The following CHST6 variants were observed in gnomAD, a reference collection of about 807,000 sequenced individuals.
CHST6 encodes the protein carbohydrate sulfotransferase 6, also known as N-acetylglucosamine 6-O-sulfotransferase 5.
For missense variants in CHST6, 698 were observed against 586.2 expected (o/e 1.19, Z -1.97); for synonymous variants, 309 against 276.4 (o/e 1.12, Z -1.17).
intron 1 of CHST6, among the ~76,000 whole-genome samples, chr16:75,492,848 C>G (rs1567416956): frequency 6.6e-6 from 1 of 152,002 alleles, no homozygotes; most frequent in Non-Finnish European, 1.5e-5. Flanking sequence ...GACTCCATCT[C>G]AAACAAAAAC....
Position 75,477,678 on chromosome 16 carries a change from G to A in CHST6, c.*963C>T, listed in dbSNP as rs1486288227. The A allele has an allele frequency of 6.6e-6, 1 of 152,542 alleles. No homozygotes were observed. The highest frequency in any genetic ancestry group is 1.5e-5 in the Non-Finnish European group (1 of 68,318). 9.4% of individuals were successfully genotyped at this position (152,542 alleles called of 1,614,324 possible). On this transcript the variant is annotated 3_prime_UTR_variant, in exon 3 of 3. Coordinates refer to ENST00000332272, the MANE Select transcript of CHST6 (RefSeq NM_021615.5). ...TTTACTAAGCCCCTTTGCCCCCAGA[G>A]CTAGGAGGTGTGGCTCACAGGCAGG...
intron 1 of CHST6, among the ~76,000 whole-genome samples, chr16:75,486,620 T>A (rs1054803787): frequency 6.6e-6 from 1 of 152,158 alleles, no homozygotes; most frequent in African/African-American, 2.4e-5. Flanking sequence ...ACTGCCTAGG[T>A]TTAAAATCAA....
chr16:75,489,413 A>G (rs192978819), intron 1 of CHST6, among the ~76,000 whole-genome samples: 32 of 151,542 alleles, frequency 2.1e-4, no homozygotes, highest in East Asian at 5.8e-4. Flanking sequence ...AAAAAAAAAA[A>G]AAAAAAGAAA....
In CHST6 at chr16:75,486,848, GT is replaced by G. The variant is rs144057836; in HGVS notation, c.-91-4958del. 4.6e-3 allele frequency among the ~76,000 whole-genome samples: 705 copies of G among 152,266 alleles called. 2 individuals are homozygous for G. Among genetic ancestry groups the G allele is most frequent in the African/African-American group, 0.015 (633 of 41,546 alleles). The stretch of plus-strand genomic sequence containing the variant: ...CCCTTGGTGGGGTGAGGTGGGAAGG[GT>G]GCAGGGGCAGAGCTTCTGGGGGCTG... On this transcript the variant is annotated intron_variant, in intron 1 of 2. Coordinates refer to ENST00000332272, the MANE Select transcript of CHST6 (RefSeq NM_021615.5).
chr16:75,487,554 A>G (rs942658727), intron 1 of CHST6, among the ~76,000 whole-genome samples: 2 of 151,974 alleles, frequency 1.3e-5, no homozygotes, highest in Non-Finnish European at 2.9e-5. Context: ...TAATCATAGC[A>G]CTTGGGAGGC....
intron 1 of CHST6, among the ~76,000 whole-genome samples, chr16:75,486,202 C>T (rs1412222526): frequency 1.3e-5 from 2 of 152,224 alleles, no homozygotes; most frequent in Non-Finnish European, 2.9e-5. Context: ...CCCACTCTGC[C>T]CTGCATTGTA....
rs1396354319 is a variant in CHST6 at position 75,472,057 on chromosome 16, T to G, written c.*6584A>C. ...ACTACTAAAGTACTGGAAGCAAGCG[T>G]GAAGACCATTTTTATCACTGTAGCA... On this transcript the variant is annotated 3_prime_UTR_variant, in exon 3 of 3. Coordinates refer to ENST00000332272, the MANE Select transcript of CHST6 (RefSeq NM_021615.5). 5 of 152,186 alleles carry G rather than the reference T, an allele frequency of 3.3e-5. No individual in the cohort carries two copies. The highest frequency in any genetic ancestry group is 7.3e-5 in the Non-Finnish European group (5 of 68,038). 9.4% of individuals were successfully genotyped at this position (152,186 alleles called of 1,614,324 possible). A position where few individuals can be genotyped will look rare whatever the true frequency, so the allele number is the denominator to read the frequency against.
rs369592422 is a variant in CHST6 at position 75,478,733 on chromosome 16, C to T, written c.1096G>A (p.Glu366Lys). The T allele has an allele frequency of 3.7e-5, 59 of 1,613,422 alleles. 1 individual carries two copies. Among genetic ancestry groups the T allele is most frequent in the Non-Finnish European group, 4.8e-5 (57 of 1,180,024 alleles). The change falls in exon 3 of 3, where the codon GAG becomes AAG. Residue 366 changes from glutamate (E) to lysine (K), a missense_variant. Transcript: ENST00000332272. The part of the protein sequence containing the change: ...LGYRPVYSED[E>K]QRNLALDLVL... Reference sequence around the variant, plus strand: ...AGATCAAGGGCGAGGTTGCGCTGCTCGTCCTCAGAGTACACAGGCCGGTAG... The same window carrying T: ...AGATCAAGGGCGAGGTTGCGCTGCTTGTCCTCAGAGTACACAGGCCGGTAG...
chr16:75,484,361 A>G (rs1210748009), intron 1 of CHST6, among the ~76,000 whole-genome samples: 1 of 152,064 alleles, frequency 6.6e-6, no homozygotes, highest in Non-Finnish European at 1.5e-5. Flanking sequence ...TAAATAAACA[A>G]ACAAACATAC....
intron 1 of CHST6, among the ~76,000 whole-genome samples, chr16:75,485,357 T>C (rs1489856050): frequency 6.6e-6 from 1 of 152,210 alleles, no homozygotes; most frequent in Non-Finnish European, 1.5e-5. Context: ...TCCTAGCACT[T>C]TGGGAGGCCA....
chr16:75,486,857 C>T (rs2080203491), intron 1 of CHST6, among the ~76,000 whole-genome samples: 1 of 152,118 alleles, frequency 6.6e-6, no homozygotes, highest in Non-Finnish European at 1.5e-5. Context: ...GGTGCAGGGG[C>T]AGAGCTTCTG....
In CHST6 at chr16:75,478,696, C is replaced by T. The variant is rs943066737; in HGVS notation, c.1133G>A (p.Arg378Gln). The T allele has an allele frequency of 6.2e-7, 1 of 1,613,712 alleles. No individual in the cohort carries two copies. Among genetic ancestry groups the T allele is most frequent in the Non-Finnish European group, 8.5e-7 (1 of 1,180,028 alleles). The change falls in exon 3 of 3, where the codon CGA becomes CAA. Residue 378 changes from arginine to glutamine, a missense_variant. By Grantham distance (43) the Arg-to-Gln change is conservative. Transcript: ENST00000332272. ...RNLALDLVLP[R>Q]GLNGFTWASS... is the part of the protein sequence containing the mutation. ...TGCCCAAGTGAAGCCGTTCAGGCCT[C>T]GTGGCAGCACCAGATCAAGGGCGAG...
At position 75,476,830 on chromosome 16, in the gene CHST6, C is replaced by G. The variant is rs577093724; in HGVS notation, c.*1811G>C. 4.0e-5 allele frequency: 6 copies of G among 151,630 alleles called. No individual in the cohort carries two copies. The highest frequency in any genetic ancestry group is 1.5e-4 in the African/African-American group (6 of 41,234). 9.4% of individuals were successfully genotyped at this position (151,630 alleles called of 1,614,324 possible). A position where few individuals can be genotyped will look rare whatever the true frequency, so the allele number is the denominator to read the frequency against. ...CGTGATCTTGGCTCACTGCAACCTC[C>G]GCCTCCTGGGTTCAAGCGATTCTCC... On this transcript the variant is annotated 3_prime_UTR_variant, in exon 3 of 3. Transcript: ENST00000332272.
intron 1 of CHST6, among the ~76,000 whole-genome samples, chr16:75,489,805 A>C (rs1191133124): frequency 1.3e-5 from 2 of 152,100 alleles, no homozygotes; most frequent in African/African-American, 2.4e-5. Context: ...AGAATAAATA[A>C]ATTTAAGAAT....
Position 75,479,126 on chromosome 16 carries a change from C to A in CHST6, c.703G>T (p.Ala235Ser). 6.2e-7 allele frequency: 1 copy of A among 1,605,886 alleles called. No individual in the cohort carries two copies. Among genetic ancestry groups the A allele is most frequent in the Non-Finnish European group, 8.5e-7 (1 of 1,178,738 alleles). Residue 235 changes from alanine (A) to serine (S), a missense_variant, in exon 3 of 3, where the codon GCC (alanine) becomes TCC (serine). Coordinates refer to ENST00000332272, the MANE Select transcript of CHST6 (RefSeq NM_021615.5). ...VLGTNGTWVE[A>S]DPGLRVVREV... is the part of the protein sequence containing the mutation. The stretch of plus-strand genomic sequence containing the variant: ...CGCACCACGCGCAGGCCGGGGTCGG[C>A]CTCCACCCACGTGCCGTTGGTGCCC...
At chr16:75,489,426 A>G (rs1010049362) in intron 1 of CHST6, among the ~76,000 whole-genome samples, 1 of 151,738 alleles carries the variant, frequency 6.6e-6, no homozygotes, top group Non-Finnish European at 1.5e-5. Context: ...AAAAGAAAAA[A>G]GAAAAGGGAC....
intron 1 of CHST6, among the ~76,000 whole-genome samples, chr16:75,486,097 C>A (rs1227368152): frequency 6.6e-6 from 1 of 152,216 alleles, no homozygotes; most frequent in Non-Finnish European, 1.5e-5. Flanking sequence ...TCTCCCAACT[C>A]CCTCACCCAT....
Position 75,479,183 on chromosome 16 carries a change from T to G in CHST6, c.646A>C (p.Lys216Gln). ...ATGCCGTTGTCACGCGCCAGAGCCTTGGCTGTCTGCTCCCGGGAGCGCAGC... is the reference window on the plus strand; with the variant it reads ...ATGCCGTTGTCACGCGCCAGAGCCTGGGCTGTCTGCTCCCGGGAGCGCAGC... ...AVLRSREQTA[K>Q]ALARDNGIVL... Residue 216 changes from lysine to glutamine, a missense_variant, in exon 3 of 3, where the codon AAG becomes CAG. Transcript: ENST00000332272. 2 of 1,608,594 alleles carry G rather than the reference T, an allele frequency of 1.2e-6. No homozygotes were observed. Among genetic ancestry groups the G allele is most frequent in the Non-Finnish European group, 1.7e-6 (2 of 1,179,050 alleles).
Position 75,475,179 on chromosome 16 carries a change from C to T in CHST6, c.*3462G>A, listed in dbSNP as rs34388219. On this transcript the variant is annotated 3_prime_UTR_variant, in exon 3 of 3. Transcript: ENST00000332272. ...TTCCATCAAGCCTCACCTCACAACA[C>T]TGGGGATCAAGGTTCCAACTTTGGG... 6.6e-6 allele frequency: 1 copy of T among 152,418 alleles called. No individual in the cohort carries two copies. Among genetic ancestry groups the T allele is most frequent in the Non-Finnish European group, 1.5e-5 (1 of 68,168 alleles). 9.4% of individuals were successfully genotyped at this position (152,418 alleles called of 1,614,324 possible). A position where few individuals can be genotyped will look rare whatever the true frequency, so the allele number is the denominator to read the frequency against.
Sources: gnomAD v4.1 joint callset for allele counts (sites outside exome capture counted in the v4.1 genomes callset) on GRCh38, gnomAD v4.1.1 for gene constraint, MANE v1.5 for transcripts, NCBI Gene and HGNC (gene_info 2026-07-23, HGNC 2026-07-21) for gene names.